Variants in STAT5B observed in about 807,000 individuals in gnomAD.
The protein encoded by STAT5B is transcription factor STAT5B.
In STAT5B, 21 loss-of-function variants were observed where a neutral mutation model predicts 107.8. The ratio of observed to expected loss-of-function variants is 0.19; its 90% CI spans 0.14 to 0.28. The LOEUF is 0.28. Ranked by LOEUF, STAT5B falls within the 10% of genes least tolerant of loss-of-function variation. The pLI is 1.00. For synonymous variants in STAT5B, 325 were observed against 401.7 expected (o/e 0.81, Z 2.28); for missense variants, 565 against 1,008.2 (o/e 0.56, Z 5.95).
intron 11 of STAT5B, 82 bp downstream of exon 11, chr17:42,217,078 A>AT: frequency 1.3e-6 from 2 of 1,540,114 alleles, no homozygotes; most frequent in Non-Finnish European, 1.8e-6. Context: ...ATGCTATGTG[A>AT]TAAAAAAAAA....
At chr17:42,225,331 T>G (rs991783254) in intron 3 of STAT5B, among the ~76,000 whole-genome samples, 1 of 152,106 alleles carries the variant, frequency 6.6e-6, no homozygotes, top group African/African-American at 2.4e-5. Context: ...CTGTTTTACT[T>G]TTTGCATCTT....
chr17:42,264,481 G>A (rs1179565210), intron 1 of STAT5B, among the ~76,000 whole-genome samples: 1 of 151,106 alleles, frequency 6.6e-6, no homozygotes, highest in African/African-American at 2.4e-5. Context: ...TCTTGCGATA[G>A]TTTACTGAGA....
chr17:42,271,737 T>C (rs1003915662), intron 1 of STAT5B: 2 of 152,196 alleles, frequency 1.3e-5, no homozygotes, highest in African/African-American at 4.8e-5. Context: ...AGTGGTGTCA[T>C]CCATGTGAAA....
intron 15 of STAT5B, among the ~76,000 whole-genome samples, chr17:42,209,463 A>G (rs1270665866): frequency 3.9e-5 from 6 of 152,224 alleles, no homozygotes; most frequent in African/African-American, 1.4e-4. Flanking sequence ...CAGTGGCTCA[A>G]GCCCGTAATC....
At chr17:42,223,316 C>T in intron 5 of STAT5B, 66 bp downstream of exon 5, 1 of 1,611,754 alleles carries the variant, frequency 6.2e-7, no homozygotes, top group Non-Finnish European at 8.5e-7. Flanking sequence ...CCAACCCCAC[C>T]AGAGCTGCTT....
At position 42,212,055 on chromosome 17, in the gene STAT5B, G is replaced by A; in HGVS notation, c.1609C>T (p.Leu537=). 1 of 1,614,114 alleles carries A rather than the reference G, an allele frequency of 6.2e-7. No individual in the cohort carries two copies. ...KENLVFLAQK[L]FNNSSSHLED... is the part of the protein sequence containing the mutation. ...AGGTGGCTGCTGCTGTTGTTGAACA[G>A]TTTCTGCGCCAGGAACACGAGGTTC... The change falls in exon 13 of 19, where the codon CTG becomes TTG. Residue 537 remains leucine, a synonymous_variant. Coordinates refer to ENST00000293328, the MANE Select transcript of STAT5B (RefSeq NM_012448.4).
chr17:42,220,675 C>A (rs1433199551), intron 5 of STAT5B, among the ~76,000 whole-genome samples: 2 of 152,118 alleles, frequency 1.3e-5, no homozygotes, highest in Non-Finnish European at 2.9e-5. Flanking sequence ...GGATGCAGAG[C>A]CACCAAGATT....
At chr17:42,285,336 C>T in the STAT5B span, among the ~76,000 whole-genome samples, 1 of 152,166 alleles carries the variant, frequency 6.6e-6, no homozygotes, top group Non-Finnish European at 1.5e-5. Flanking sequence ...AAGTGATCCT[C>T]CCACCTCAGC....
intron 5 of STAT5B, among the ~76,000 whole-genome samples, chr17:42,222,107 CTCTG>C (rs1028781462): frequency 2.4e-4 from 27 of 113,768 alleles, no homozygotes; most frequent in African/African-American, 8.5e-4. Flanking sequence ...CACTGTGTGT[CTCTG>C]TGTGCTGTGG....
At chr17:42,215,397 A>G (rs1190475307) in intron 12 of STAT5B, among the ~76,000 whole-genome samples, 1 of 152,134 alleles carries the variant, frequency 6.6e-6, no homozygotes, top group Non-Finnish European at 1.5e-5. Flanking sequence ...ATCTAATTTA[A>G]TCTTCCTAAC....
chr17:42,211,472 G>C (rs528985030), intron 13 of STAT5B, among the ~76,000 whole-genome samples: 40 of 151,944 alleles, frequency 2.6e-4, no homozygotes, highest in Middle Eastern at 6.8e-3. Flanking sequence ...TGCCATTGCA[G>C]TCCAGCCTGG....
intron 12 of STAT5B, among the ~76,000 whole-genome samples, chr17:42,212,391 GAAGGTA>G (rs1343340644): frequency 1.3e-5 from 2 of 152,202 alleles, no homozygotes; most frequent in South Asian, 2.1e-4. Context: ...CACACAACTA[GAAGGTA>G]ACCCATGCTA....
Position 42,210,405 on chromosome 17 carries a change from A to G in STAT5B, c.1773T>C (p.Asp591=). Residue 591 remains aspartate, a splice_region_variant and synonymous_variant, in exon 14 of 19, where the codon GAT becomes GAC. Coordinates refer to ENST00000293328, the MANE Select transcript of STAT5B (RefSeq NM_012448.4). ...CCTTAAGAAATAATGATTCTCACCC[A>G]TCATTCCAATGAGGCTTGAGATGTT... ...LKKHLKPHWN[D]GAILGFVNKQ... 6.2e-7 allele frequency: 1 copy of G among 1,614,178 alleles called. No homozygotes were observed. Among genetic ancestry groups the G allele is most frequent in the Non-Finnish European group, 8.5e-7 (1 of 1,180,026 alleles).
At chr17:42,242,047 G>C (rs2080408015) in intron 1 of STAT5B, among the ~76,000 whole-genome samples, 1 of 152,104 alleles carries the variant, frequency 6.6e-6, no homozygotes, top group Admixed American at 6.5e-5. Context: ...ACATAGAGAT[G>C]ATAGTATTCT....
intron 1 of STAT5B, among the ~76,000 whole-genome samples, chr17:42,254,466 T>A (rs998058804): frequency 6.6e-6 from 1 of 152,092 alleles, no homozygotes. Flanking sequence ...TTTGTTCCTA[T>A]CAGTCAGAAC....
chr17:42,202,052 C>G, intron 18 of STAT5B, 188 bp from the exon 19 acceptor site: 1 of 646,082 alleles, frequency 1.5e-6, no homozygotes, highest in East Asian at 2.7e-5. Flanking sequence ...TCCCCTGTTA[C>G]CTCTCACACC....
intron 1 of STAT5B, among the ~76,000 whole-genome samples, chr17:42,253,888 T>C (rs757734051): frequency 6.6e-6 from 1 of 152,198 alleles, no homozygotes; most frequent in South Asian, 2.1e-4. Flanking sequence ...TCTGGCACTT[T>C]AACAACTGCA....
chr17:42,260,284 C>A (rs556065923), intron 1 of STAT5B, among the ~76,000 whole-genome samples: 2 of 152,316 alleles, frequency 1.3e-5, no homozygotes, highest in Middle Eastern at 3.4e-3. Context: ...ACAGTTCATG[C>A]ATTTCTGGTG....
upstream of STAT5B, among the ~76,000 whole-genome samples, chr17:42,277,293 A>C (rs555515698): frequency 6.6e-6 from 1 of 152,184 alleles, no homozygotes; most frequent in East Asian, 1.9e-4. Context: ...AGACATAGGA[A>C]AGCTCCAGAA....
Sources: gnomAD v4.1 joint callset for allele counts (sites outside exome capture counted in the v4.1 genomes callset) on GRCh38, gnomAD v4.1.1 for gene constraint, MANE v1.5 for transcripts, NCBI Gene and HGNC (gene_info 2026-07-23, HGNC 2026-07-21) for gene names.